DUSP15: variants seen among roughly 807,000 people sequenced by gnomAD.
DUSP15 encodes the protein dual specificity protein phosphatase 15.
In DUSP15, 23 loss-of-function variants were observed where a neutral mutation model predicts 26.3. That is an observed-to-expected ratio of 0.87 (90% confidence interval 0.63 to 1.24). The LOEUF (loss-of-function observed/expected upper bound fraction) is 1.24, where lower values mean the gene tolerates loss of function less well. Ranked by LOEUF, DUSP15 falls within the 50% of genes most tolerant of loss-of-function variation. The pLI is 0.00. For synonymous variants in DUSP15, 143 were observed against 135.5 expected (o/e 1.06, Z -0.39); for missense variants, 364 against 320.6 (o/e 1.14, Z -1.03).
chr20:31,861,737 G>A, intron 6 of DUSP15, 62 bp from the exon 7 acceptor site: 1 of 1,299,206 alleles, frequency 7.7e-7, no homozygotes, highest in Non-Finnish European at 9.9e-7. Context: ...CAAGGCAGCC[G>A]GCCCCGCCCC....
chr20:31,846,486 G>T (rs2062380464), downstream of DUSP15, among the ~76,000 whole-genome samples: 1 of 139,876 alleles, frequency 7.1e-6, no homozygotes, highest in Non-Finnish European at 1.5e-5. Context: ...GGAGAGAGAG[G>T]CAGGGCCTGA....
At position 31,869,660 on chromosome 20, in the gene DUSP15, A is replaced by G. The variant is rs929772271; in HGVS notation, c.22-63T>C. Reference sequence around the variant, plus strand: ...CTGCACCCCCTTCCACCCCCAGGGCAGCTGGGGGGCCCACAGCCCCTCTCT... The same window carrying G: ...CTGCACCCCCTTCCACCCCCAGGGCGGCTGGGGGGCCCACAGCCCCTCTCT... On this transcript the variant is annotated intron_variant, in intron 1 of 6. Coordinates refer to ENST00000339738, the MANE Select transcript of DUSP15 (RefSeq NM_080611.5). 1.0e-5 allele frequency: 16 copies of G among 1,592,158 alleles called. No homozygotes were observed. The East Asian group carries it at 3.2e-4, about 32-fold the overall frequency.
intron 4 of DUSP15, chr20:31,864,506 G>A: frequency 1.0e-6 from 1 of 967,798 alleles, no homozygotes; most frequent in Non-Finnish European, 1.2e-6. Context: ...TCCTTGACCT[G>A]TGTCATCTGA....
intron 3 of DUSP15, among the ~76,000 whole-genome samples, chr20:31,866,348 T>C (rs2062764549): frequency 6.6e-6 from 1 of 152,226 alleles, no homozygotes; most frequent in African/African-American, 2.4e-5. Context: ...ATTTATGTGG[T>C]TCCCAACCAC....
chr20:31,867,786 A>G (rs771470668), intron 2 of DUSP15, among the ~76,000 whole-genome samples: 8 of 152,066 alleles, frequency 5.3e-5, no homozygotes, highest in Non-Finnish European at 1.2e-4. Flanking sequence ...CTGGGACTAC[A>G]GGCTCCCGCC....
chr20:31,865,889 G>A (rs1379727886), intron 3 of DUSP15, among the ~76,000 whole-genome samples: 1 of 152,206 alleles, frequency 6.6e-6, no homozygotes, highest in African/African-American at 2.4e-5. Flanking sequence ...GGCCGTAGGA[G>A]CAGAGACTCA....
At chr20:31,853,080 C>T (rs1462505426) in intron 6 of DUSP15, among the ~76,000 whole-genome samples, 1 of 152,134 alleles carries the variant, frequency 6.6e-6, no homozygotes, top group Non-Finnish European at 1.5e-5. Flanking sequence ...CCCTCTCTCT[C>T]CCTCCTTTTC....
downstream of DUSP15, among the ~76,000 whole-genome samples, chr20:31,846,219 C>T (rs2062375743): frequency 6.6e-6 from 1 of 151,452 alleles, no homozygotes; most frequent in Non-Finnish European, 1.5e-5. Flanking sequence ...TAGGCATACA[C>T]ACAGACACAC....
intron 6 of DUSP15, 33 bp downstream of exon 6, chr20:31,862,538 C>G: frequency 1.9e-6 from 3 of 1,557,270 alleles, no homozygotes; most frequent in Non-Finnish European, 2.6e-6. Flanking sequence ...TCTCCCACCC[C>G]TGGCCCAACC....
In DUSP15 at chr20:31,850,647, A is replaced by G. The variant is rs986002244; in HGVS notation, c.456T>C (p.Ser152=). Reference sequence around the variant, plus strand: ...AAGTCATCGGAGGGCATTGGGCACCAGAGGTTTTTGAGGTCCTATGTCTGG... The same window carrying G: ...AAGTCATCGGAGGGCATTGGGCACCGGAGGTTTTTGAGGTCCTATGTCTGG... The change falls in exon 7 of 10, where the codon TCT becomes TCC. Residue 152 remains serine (S), a synonymous_variant. Coordinates refer to the DUSP15 transcript ENST00000278979. 2.5e-6 allele frequency: 4 copies of G among 1,611,876 alleles called. No individual in the cohort carries two copies. In the African/African-American group the frequency reaches 4.0e-5, roughly 16 times the overall value.
chr20:31,850,522 T>G, intron 7 of DUSP15: 1 of 1,346,630 alleles, frequency 7.4e-7, no homozygotes, highest in South Asian at 1.2e-5. Flanking sequence ...CTGGGTGCTT[T>G]GGGTGGGAGA....
downstream of DUSP15, among the ~76,000 whole-genome samples, chr20:31,846,823 C>T (rs756587719): frequency 3.9e-5 from 6 of 152,192 alleles, no homozygotes; most frequent in Non-Finnish European, 8.8e-5. Flanking sequence ...CTCAGTTTCC[C>T]CATCTCTAAC....
At chr20:31,860,963 TC>T (rs1466210399), downstream of DUSP15, 1 of 986,154 alleles carries the variant, frequency 1.0e-6, no homozygotes, top group African/African-American at 1.7e-5. Context: ...GGATGCAGGC[TC>T]CCTCGCATCC....
chr20:31,846,441 A>G (rs974249862), downstream of DUSP15, among the ~76,000 whole-genome samples: 2 of 97,416 alleles, frequency 2.1e-5, no homozygotes, highest in Non-Finnish European at 4.0e-5. Context: ...AAAGGAATGA[A>G]TAGAGAGAGA....
In DUSP15 at chr20:31,861,188, C is replaced by T; in HGVS notation, c.*215G>A. ...CCCTCCCCCAGCCCAAGGACTAAGGCACCAGGTGGCTGCAGCAGGCCGGCC... is the reference window on the plus strand; with the variant it reads ...CCCTCCCCCAGCCCAAGGACTAAGGTACCAGGTGGCTGCAGCAGGCCGGCC... On this transcript the variant is annotated 3_prime_UTR_variant, in exon 7 of 7. Coordinates refer to ENST00000339738, the MANE Select transcript of DUSP15 (RefSeq NM_080611.5). 7.4e-7 allele frequency: 1 copy of T among 1,350,936 alleles called. No homozygotes were observed. The highest frequency in any genetic ancestry group is 9.4e-7 in the Non-Finnish European group (1 of 1,058,390). 83.7% of individuals were successfully genotyped at this position (1,350,936 alleles called of 1,614,324 possible).
At chr20:31,861,809 G>T in intron 6 of DUSP15, 134 bp from the exon 7 acceptor site, 1 of 706,310 alleles carries the variant, frequency 1.4e-6, no homozygotes, top group Non-Finnish European at 2.1e-6. Flanking sequence ...CTCCCTTCCT[G>T]AGCGTCTTCT....
chr20:31,870,586 A>C (rs766372164), upstream of DUSP15: 8 of 1,421,304 alleles, frequency 5.6e-6, no homozygotes, highest in East Asian at 2.2e-4. The surrounding 1 kb of genome is among the most constrained non-coding windows in gnomAD (Gnocchi z 6.6). Flanking sequence ...CCCTTCGGTC[A>C]TGTGGGGCCC....
At chr20:31,867,629 ATGTTTTTTT>A (rs2062796801) in intron 2 of DUSP15, among the ~76,000 whole-genome samples, 2 of 107,818 alleles carry the variant, frequency 1.9e-5, no homozygotes, top group African/African-American at 8.1e-5. Flanking sequence ...GATGCCCACA[ATGTTTTTTT>A]TTTTTTTTTT....
chr20:31,865,194 A>G lies in DUSP15; in HGVS notation c.139-192T>C, dbSNP rs541943484. On this transcript the variant is annotated intron_variant, in intron 3 of 6. Transcript: ENST00000339738. ...AGCTGTGACCACTTGTGATTCCTGA[A>G]CCTTCTAAGCACATGGTGTCTCCTA... Among the ~76,000 whole-genome samples the G allele has an allele frequency of 2.0e-5, 3 of 152,168 alleles. No individual in the cohort carries two copies. In the East Asian group the frequency reaches 5.8e-4, roughly 29 times the overall value.
Sources: allele counts gnomAD v4.1 joint callset (sites outside exome capture counted in the v4.1 genomes callset), GRCh38; gene constraint gnomAD v4.1.1; non-coding constraint Gnocchi (gnomAD v3.1); transcripts MANE v1.5; gene names NCBI Gene and HGNC (gene_info 2026-07-23, HGNC 2026-07-21).